The following CMTM8 variants were observed in gnomAD, a reference collection of about 807,000 sequenced individuals.
CMTM8 encodes the protein CKLF like MARVEL transmembrane domain containing 8, also known as CKLF-like MARVEL transmembrane domain-containing protein 8.
Under a neutral mutation model 18.6 loss-of-function variants are expected in CMTM8, and 12 were observed. The ratio of observed to expected loss-of-function variants is 0.65; its 90% confidence interval spans 0.41 to 1.05. The LOEUF is 1.05. CMTM8 is among the 50% of genes least tolerant of loss of function. The pLI is 0.00. For missense variants in CMTM8, 217 were observed against 227.2 expected (o/e 0.95, Z 0.29); for synonymous variants, 87 against 90.6 (o/e 0.96, Z 0.23).
At chr3:32,310,156 TG>T (rs11332356) in intron 1 of CMTM8, among the ~76,000 whole-genome samples, 31,038 of 151,862 alleles carry the variant, frequency 0.2, 3,431 homozygotes, top group African/African-American at 0.29. Flanking sequence ...TTTAAAATTG[TG>T]GTTTTTTTTT....
At chr3:32,334,382 A>C (rs917989445) in intron 1 of CMTM8, among the ~76,000 whole-genome samples, 5 of 151,898 alleles carry the variant, frequency 3.3e-5, no homozygotes, top group African/African-American at 7.2e-5. Flanking sequence ...CCAGGCAGGC[A>C]GATCACGAGG....
At chr3:32,311,422 G>A (rs1372326600) in intron 1 of CMTM8, among the ~76,000 whole-genome samples, 23 of 152,138 alleles carry the variant, frequency 1.5e-4, no homozygotes, top group Non-Finnish European at 1.0e-4. Context: ...GCAGGACTTC[G>A]CTCCTTCTGG....
intron 1 of CMTM8, among the ~76,000 whole-genome samples, chr3:32,271,001 C>T (rs1037819955): frequency 1.3e-5 from 2 of 151,970 alleles, no homozygotes; most frequent in African/African-American, 2.4e-5. Context: ...TTGATTTTGC[C>T]TAATTTTATT....
At chr3:32,251,013 A>C (rs948995495) in intron 1 of CMTM8, among the ~76,000 whole-genome samples, 3 of 152,330 alleles carry the variant, frequency 2.0e-5, no homozygotes, top group Admixed American at 6.5e-5. Flanking sequence ...TTGCTGCCAA[A>C]GTTATACAAA....
Position 32,285,711 on chromosome 3 carries a change from A to G in CMTM8, c.147+46592A>G, listed in dbSNP as rs148265172. On this transcript the variant is annotated intron_variant, in intron 1 of 3. Coordinates refer to ENST00000307526, the MANE Select transcript of CMTM8 (RefSeq NM_178868.5). ...CACTGTTTATGAGTCTATAATTAAA[A>G]AGCAGGGCCTTGGCAACAGAGTTGT... 3.6e-3 allele frequency among the ~76,000 whole-genome samples: 544 copies of G among 152,260 alleles called. 22 individuals carry two copies. In the East Asian group the frequency reaches 0.072, roughly 20 times the overall value.
chr3:32,309,305 T>A (rs990913771), intron 1 of CMTM8, among the ~76,000 whole-genome samples: 1 of 142,682 alleles, frequency 7.0e-6, no homozygotes, highest in Non-Finnish European at 1.5e-5. Flanking sequence ...TACCAATTTT[T>A]TTTTTTTTTT....
At chr3:32,295,867 G>A (rs559743160) in intron 1 of CMTM8, among the ~76,000 whole-genome samples, 10 of 152,184 alleles carry the variant, frequency 6.6e-5, no homozygotes, top group Admixed American at 3.3e-4. Flanking sequence ...TCCACCCTAC[G>A]TTCCAGCTCC....
At chr3:32,288,266 T>C (rs532927098) in intron 1 of CMTM8, among the ~76,000 whole-genome samples, 3 of 152,246 alleles carry the variant, frequency 2.0e-5, no homozygotes, top group Admixed American at 1.3e-4. Context: ...TGAGAGTAAG[T>C]AGAAGAAAAT....
chr3:32,340,547 A>T (rs964036414), intron 1 of CMTM8, among the ~76,000 whole-genome samples: 1 of 152,240 alleles, frequency 6.6e-6, no homozygotes, highest in Non-Finnish European at 1.5e-5. Context: ...ATATATGTGC[A>T]TGTGTGTATA....
intron 1 of CMTM8, among the ~76,000 whole-genome samples, chr3:32,323,399 G>A (rs898416663): frequency 3.3e-5 from 5 of 152,154 alleles, no homozygotes; most frequent in African/African-American, 1.2e-4. Context: ...ACAAAAACAA[G>A]CTTGTTTTAC....
intron 1 of CMTM8, among the ~76,000 whole-genome samples, chr3:32,241,130 T>C (rs1238909376): frequency 6.6e-6 from 1 of 152,176 alleles, no homozygotes; most frequent in Non-Finnish European, 1.5e-5. Flanking sequence ...GGCAGAAATA[T>C]AAGTTTCTCC....
rs542025782 is a variant in CMTM8, at chr3:32,288,659, C to T, written c.147+49540C>T. Reference sequence around the variant, plus strand: ...AGGACTACAGGCGCCCACCACCACGCCCAGCTAATTTTTTGTATTTTTAGT... The same window carrying T: ...AGGACTACAGGCGCCCACCACCACGTCCAGCTAATTTTTTGTATTTTTAGT... On this transcript the variant is annotated intron_variant, in intron 1 of 3. Transcript: ENST00000307526. Among the ~76,000 whole-genome samples, 6 of 152,254 alleles carry T rather than the reference C, an allele frequency of 3.9e-5. No homozygotes were observed. In the South Asian group the frequency reaches 1.2e-3, roughly 32 times the overall value.
intron 1 of CMTM8, among the ~76,000 whole-genome samples, chr3:32,281,878 T>C (rs1702614939): frequency 6.6e-6 from 1 of 151,926 alleles, no homozygotes; most frequent in South Asian, 2.1e-4. Flanking sequence ...ACTGTCCTAA[T>C]TTTTTTTTCT....
chr3:32,356,952 C>A (rs1342185360), intron 1 of CMTM8, among the ~76,000 whole-genome samples: 2 of 152,190 alleles, frequency 1.3e-5, no homozygotes, highest in African/African-American at 4.8e-5. Flanking sequence ...AGAGAACCCC[C>A]TAAAACAAGA....
At chr3:32,297,204 G>C (rs1195925725) in intron 1 of CMTM8, among the ~76,000 whole-genome samples, 2 of 152,134 alleles carry the variant, frequency 1.3e-5, no homozygotes, top group Non-Finnish European at 2.9e-5. Context: ...TTGAGATGGA[G>C]TTTCACTCTT....
At chr3:32,265,022 A>G (rs775729570) in intron 1 of CMTM8, among the ~76,000 whole-genome samples, 1 of 152,134 alleles carries the variant, frequency 6.6e-6, no homozygotes, top group Admixed American at 6.6e-5. Flanking sequence ...TAACACCCCA[A>G]TGTCAACATT....
In CMTM8 at chr3:32,369,905, A is replaced by G; in HGVS notation, c.460A>G (p.Ile154Val). The G allele has an allele frequency of 1.2e-6, 2 of 1,609,564 alleles. No individual in the cohort carries two copies. Among genetic ancestry groups the G allele is most frequent in the South Asian group, 1.1e-5 (1 of 90,734 alleles). Residue 154 changes from isoleucine to valine, a missense_variant, in exon 4 of 4, where the codon ATC (isoleucine) becomes GTC (valine). Coordinates refer to ENST00000307526, the MANE Select transcript of CMTM8 (RefSeq NM_178868.5). The part of the protein sequence containing the change: ...ASSFFAFLVT[I>V]CYAGNTYFSF... ...CCAGTTCTTTGCCTTCCTGGTCACCATCTGCTACGCTGGAAATACATATTT... is the reference window on the plus strand; with the variant it reads ...CCAGTTCTTTGCCTTCCTGGTCACCGTCTGCTACGCTGGAAATACATATTT...
In CMTM8 at chr3:32,261,414, A is replaced by T. The variant is rs13321814; in HGVS notation, c.147+22295A>T. Among the ~76,000 whole-genome samples the T allele has an allele frequency of 6.1e-3, 927 of 152,310 alleles. 7 individuals carry two copies. The highest frequency in any genetic ancestry group is 0.022 in the African/African-American group (896 of 41,568). On this transcript the variant is annotated intron_variant, in intron 1 of 3. Transcript: ENST00000307526. ...TATGCTTAAAAATATATTAAATTAT[A>T]GTAGGAAAAACTCAAGTTTTCAAAT...
At chr3:32,345,321 A>T (rs1696576504) in intron 1 of CMTM8, among the ~76,000 whole-genome samples, 1 of 152,136 alleles carries the variant, frequency 6.6e-6, no homozygotes, top group South Asian at 2.1e-4. Flanking sequence ...AAGCCACTGC[A>T]CTCCAGCCTG....
Sources: allele counts gnomAD v4.1 joint callset (sites outside exome capture counted in the v4.1 genomes callset), GRCh38; gene constraint gnomAD v4.1.1; transcripts MANE v1.5; gene names NCBI Gene and HGNC (gene_info 2026-07-23, HGNC 2026-07-21).